Variants in AMPH observed in about 807,000 individuals in gnomAD.
The protein encoded by AMPH is amphiphysin (Stiff-Mann syndrome with breast cancer 128kD autoantigen).
A neutral mutation model predicts 99.1 loss-of-function variants in AMPH; 49 were observed. The observed-to-expected ratio is 0.49, with a 90% CI of 0.39 to 0.63. The LOEUF (loss-of-function observed/expected upper bound fraction) is 0.63, where lower values mean the gene tolerates loss of function less well. Among genes scored for constraint, AMPH ranks in the 20% least tolerant of loss-of-function variants. The probability of loss-of-function intolerance (pLI) is 0.00; values close to 1 mark genes in which losing one functional copy is unlikely to be tolerated. For synonymous variants in AMPH, 314 were observed against 317.3 expected (o/e 0.99, Z 0.11); for missense variants, 759 against 863.4 (o/e 0.88, Z 1.52).
At chr7:38,453,981 T>G (rs1039505323) in intron 11 of AMPH, among the ~76,000 whole-genome samples, 1 of 152,246 alleles carries the variant, frequency 6.6e-6, no homozygotes, top group African/African-American at 2.4e-5. Flanking sequence ...AACTGGGAGA[T>G]GCTGGGTAAG....
At chr7:38,620,548 TACAC>T (rs201765719) in intron 1 of AMPH, among the ~76,000 whole-genome samples, 7,344 of 133,016 alleles carry the variant, frequency 0.055, 220 homozygotes, top group South Asian at 0.095. Flanking sequence ...TATACATACA[TACAC>T]ACACACACAC....
intron 1 of AMPH, among the ~76,000 whole-genome samples, chr7:38,547,537 A>G (rs1791034269): frequency 6.6e-6 from 1 of 152,178 alleles, no homozygotes; most frequent in Non-Finnish European, 1.5e-5. Context: ...ATAATTATTA[A>G]AAAGTGTTTA....
chr7:38,496,744 G>C (rs564941838), intron 3 of AMPH, among the ~76,000 whole-genome samples: 1 of 152,170 alleles, frequency 6.6e-6, no homozygotes, highest in South Asian at 2.1e-4. Flanking sequence ...CATAACAAGC[G>C]TTAGTCACTA....
intron 15 of AMPH, among the ~76,000 whole-genome samples, chr7:38,425,767 G>A (rs61007345): frequency 0.023 from 3,550 of 152,214 alleles, 134 homozygotes; most frequent in African/African-American, 0.08. Context: ...CATATAGGGC[G>A]GAAACAGAGA....
rs116805315 is a variant in AMPH at position 38,471,554 on chromosome 7, G to A, written c.590+3777C>T. Among the ~76,000 whole-genome samples, 198 of 152,182 alleles carry A rather than the reference G, an allele frequency of 1.3e-3. 1 individual carries two copies. The highest frequency in any genetic ancestry group is 4.4e-3 in the African/African-American group (184 of 41,540). ...GTTTTCTACACTTGGCAGTAATGGA[G>A]GAATAGAGAAACAAAAAAGACATAA... is the stretch of plus-strand genomic sequence containing the variant. On this transcript the variant is annotated intron_variant, in intron 7 of 20. Transcript: ENST00000356264.
intron 11 of AMPH, among the ~76,000 whole-genome samples, chr7:38,446,358 T>C (rs985395902): frequency 6.6e-6 from 1 of 152,230 alleles, no homozygotes; most frequent in African/African-American, 2.4e-5. Context: ...AATATTTGTA[T>C]ACAAGTGCTT....
intron 17 of AMPH, among the ~76,000 whole-genome samples, chr7:38,405,111 T>C (rs1784946365): frequency 6.6e-6 from 1 of 152,056 alleles, no homozygotes; most frequent in Non-Finnish European, 1.5e-5. Context: ...CTTGTCAAGC[T>C]AAGCTTCATA....
At chr7:38,488,600 C>A (rs985503529) in intron 5 of AMPH, among the ~76,000 whole-genome samples, 1 of 152,090 alleles carries the variant, frequency 6.6e-6, no homozygotes, top group Non-Finnish European at 1.5e-5. Context: ...GGCAAACCAC[C>A]ATGGCACACG....
intron 1 of AMPH, among the ~76,000 whole-genome samples, chr7:38,601,305 G>A (rs910518467): frequency 2.4e-4 from 37 of 152,156 alleles, no homozygotes; most frequent in Non-Finnish European, 4.6e-4. Flanking sequence ...CCAAGAAGCA[G>A]GTGTCTGACT....
intron 14 of AMPH, chr7:38,429,235 C>G (rs752239213): frequency 7.8e-7 from 1 of 1,287,598 alleles, no homozygotes; most frequent in South Asian, 1.2e-5. Context: ...GCAGCAATGG[C>G]AACTCCAGCC....
At chr7:38,387,616 A>G (rs1784383258) in intron 20 of AMPH, among the ~76,000 whole-genome samples, 1 of 152,156 alleles carries the variant, frequency 6.6e-6, no homozygotes. Context: ...TGAAAGAAAA[A>G]GAACAGCATC....
At chr7:38,433,532 C>A (rs1006653378) in intron 12 of AMPH, among the ~76,000 whole-genome samples, 2 of 150,580 alleles carry the variant, frequency 1.3e-5, no homozygotes, top group South Asian at 2.1e-4. Flanking sequence ...GAGACCATCC[C>A]GGCTAAAACG....
At chr7:38,477,555 A>C (rs999015115) in intron 5 of AMPH, among the ~76,000 whole-genome samples, 1 of 152,196 alleles carries the variant, frequency 6.6e-6, no homozygotes, top group Non-Finnish European at 1.5e-5. Flanking sequence ...GCTCTTTCCC[A>C]TGGGTCAACA....
Position 38,525,277 on chromosome 7 carries a change from T to TATATAGAG in AMPH, c.150+9653_150+9654insCTCTATAT, listed in dbSNP as rs1481528083. 2.1e-3 allele frequency among the ~76,000 whole-genome samples: 186 copies of TATATAGAG among 86,630 alleles called. 1 individual carries two copies. The highest frequency in any genetic ancestry group is 5.7e-3 in the Middle Eastern group (1 of 176). The allele number at this position is 86,630 out of a possible 152,430, so 56.8% of individuals were successfully genotyped here. On this transcript the variant is annotated intron_variant, in intron 2 of 20. Transcript: ENST00000356264. ...GTGTGTGTATATATATATATATATA[T>TATATAGAG]AGAGAGAGAGAGAGAGAGAGAGAGA...
At chr7:38,550,862 A>G (rs1402518132) in intron 1 of AMPH, among the ~76,000 whole-genome samples, 1 of 152,214 alleles carries the variant, frequency 6.6e-6, no homozygotes, top group Non-Finnish European at 1.5e-5. Flanking sequence ...TGATTCCGCA[A>G]ATCTCCACAG....
intron 12 of AMPH, among the ~76,000 whole-genome samples, chr7:38,432,501 G>T (rs539226726): frequency 6.6e-6 from 1 of 151,958 alleles, no homozygotes; most frequent in South Asian, 2.1e-4. Context: ...ATGGCACTTA[G>T]CTTTGGATAG....
chr7:38,477,871 A>G (rs1788144645), intron 5 of AMPH, among the ~76,000 whole-genome samples: 2 of 151,988 alleles, frequency 1.3e-5, no homozygotes, highest in South Asian at 4.2e-4. Flanking sequence ...TTTTAGGCAA[A>G]AATAATTGCT....
intron 15 of AMPH, 77 bp from the exon 16 acceptor site, chr7:38,422,554 GTATCTATCTATC>G (rs57006229): frequency 0.023 from 17,817 of 784,702 alleles, 286 homozygotes; most frequent in South Asian, 0.04. Context: ...GTCTGCCTAC[GTATCTATCTATC>G]TATCTATCTA....
In AMPH at chr7:38,449,151, T is replaced by C. The variant is rs140744075; in HGVS notation, c.1017+12132A>G. 2.1e-3 allele frequency among the ~76,000 whole-genome samples: 320 copies of C among 152,316 alleles called. 2 individuals are homozygous for C. Among genetic ancestry groups the C allele is most frequent in the Non-Finnish European group, 2.7e-3 (182 of 68,032 alleles). The stretch of plus-strand genomic sequence containing the variant: ...GGTATTTACCAATAATGCACTGATA[T>C]GTAACAACCTGAAGAACTTTGCTAA... On this transcript the variant is annotated intron_variant, in intron 11 of 20. Transcript: ENST00000356264.
Sources: allele counts gnomAD v4.1 joint callset (sites outside exome capture counted in the v4.1 genomes callset), GRCh38; gene constraint gnomAD v4.1.1; transcripts MANE v1.5; gene names NCBI Gene and HGNC (gene_info 2026-07-23, HGNC 2026-07-21).